Variants in ICA1 observed in about 807,000 individuals in gnomAD.
ICA1 encodes the protein islet cell autoantigen 1, also known as 69 kDa islet cell autoantigen.
A neutral mutation model predicts 71.0 loss-of-function variants in ICA1; 40 were observed. The observed-to-expected ratio is 0.56, with a 90% CI of 0.44 to 0.73. ICA1 has a LOEUF of 0.73. ICA1 is among the 30% of genes least tolerant of loss of function. ICA1 has a pLI of 0.00. For synonymous variants in ICA1, 207 were observed against 209.5 expected (o/e 0.99, Z 0.10); for missense variants, 578 against 576.5 (o/e 1.00, Z -0.03).
intron 6 of ICA1, among the ~76,000 whole-genome samples, chr7:8,199,307 G>T (rs1482201753): frequency 1.3e-5 from 2 of 152,170 alleles, no homozygotes; most frequent in East Asian, 3.8e-4. Flanking sequence ...CAGGCTCTTG[G>T]CTGTTCACTA....
Position 8,173,578 on chromosome 7 carries a change from G to C in ICA1, c.580-14926C>G, listed in dbSNP as rs545942882. Among the ~76,000 whole-genome samples, 3 of 152,146 alleles carry C rather than the reference G, an allele frequency of 2.0e-5. No homozygotes were observed. The highest frequency in any genetic ancestry group is 2.1e-4 in the South Asian group (1 of 4,820). On this transcript the variant is annotated intron_variant, in intron 6 of 13. Transcript: ENST00000402384. The surrounding 1 kb of genome is among the most constrained non-coding windows in gnomAD (Gnocchi z 4.0). ...TATCAAACTGTCTGTGCTTCAGGAC[G>C]ACCGGATAATTGACAAGGGAGTTAT...
At chr7:8,253,419 G>T (rs1808888108) in intron 1 of ICA1, among the ~76,000 whole-genome samples, 1 of 152,136 alleles carries the variant, frequency 6.6e-6, no homozygotes, top group African/African-American at 2.4e-5. Context: ...AAGACCATCA[G>T]AAGTAAAAAT....
At chr7:8,259,803 G>A (rs886804343) in intron 1 of ICA1, among the ~76,000 whole-genome samples, 2 of 152,182 alleles carry the variant, frequency 1.3e-5, no homozygotes, top group African/African-American at 4.8e-5. Flanking sequence ...ATTGTGATAC[G>A]AAATGTATCA....
At chr7:8,206,542 T>C (rs11975015) in intron 6 of ICA1, among the ~76,000 whole-genome samples, 277 of 152,304 alleles carry the variant, frequency 1.8e-3, no homozygotes, top group African/African-American at 6.5e-3. Context: ...TCAATATTTT[T>C]AATACAAATT....
intron 6 of ICA1, among the ~76,000 whole-genome samples, chr7:8,198,331 G>A (rs927638988): frequency 6.6e-6 from 1 of 152,214 alleles, no homozygotes; most frequent in African/African-American, 2.4e-5. Context: ...GCAAAGCATT[G>A]TTTGGAGAAA....
Position 8,146,888 on chromosome 7 carries a change from A to G in ICA1, c.805-2916T>C, listed in dbSNP as rs960708491. Among the ~76,000 whole-genome samples, 238 of 145,586 alleles carry G rather than the reference A, an allele frequency of 1.6e-3. 2 individuals carry two copies. Among genetic ancestry groups the G allele is most frequent in the African/African-American group, 4.7e-3 (177 of 37,430 alleles). On this transcript the variant is annotated intron_variant, in intron 8 of 13. Coordinates refer to ENST00000402384, the MANE Select transcript of ICA1 (RefSeq NM_001136020.3). ...CACACACACACACACACACGCACAC[A>G]CACACACACACACACACACTCGCCT...
chr7:8,139,157 C>G (rs1430418785), intron 10 of ICA1, 110 bp from the exon 11 acceptor site: 1 of 802,970 alleles, frequency 1.2e-6, no homozygotes, highest in African/African-American at 1.7e-5. Context: ...ATGGGATCCA[C>G]AAACTCAGCC....
chr7:8,252,059 G>A (rs922205470), intron 1 of ICA1, among the ~76,000 whole-genome samples: 9 of 152,120 alleles, frequency 5.9e-5, no homozygotes, highest in African/African-American at 2.2e-4. Context: ...AACAACACTA[G>A]AAACAGAACA....
chr7:8,212,624 T>C (rs1794171663), intron 6 of ICA1, among the ~76,000 whole-genome samples: 1 of 152,120 alleles, frequency 6.6e-6, no homozygotes, highest in Non-Finnish European at 1.5e-5. Flanking sequence ...GGCTCAGCAA[T>C]CACCTTCAGT....
chr7:8,137,462 T>C (rs1056697837), intron 12 of ICA1, among the ~76,000 whole-genome samples: 3 of 152,222 alleles, frequency 2.0e-5, no homozygotes, highest in African/African-American at 7.2e-5. Context: ...TATTATTGTC[T>C]TTACCTGACT....
rs1270461220 is a variant in ICA1, at chr7:8,223,129, C to T, written c.257-1731G>A. 6.6e-6 allele frequency among the ~76,000 whole-genome samples: 1 copy of T among 152,270 alleles called. No homozygotes were observed. The highest frequency in any genetic ancestry group is 2.4e-5 in the African/African-American group (1 of 41,554). On this transcript the variant is annotated intron_variant, in intron 4 of 13. Coordinates refer to ENST00000402384, the MANE Select transcript of ICA1 (RefSeq NM_001136020.3). This position sits in a 1 kb window ranked among gnomAD's most constrained non-coding sequence, Gnocchi z 4.1. The stretch of plus-strand genomic sequence containing the variant: ...AAGGTTTTTTGTTTTTTAATACATT[C>T]CATTCCTTCTCCTCCCCACTGATTA...
At chr7:8,159,171 T>C (rs1427297771) in intron 6 of ICA1, among the ~76,000 whole-genome samples, 1 of 152,210 alleles carries the variant, frequency 6.6e-6, no homozygotes, top group African/African-American at 2.4e-5. Flanking sequence ...TAATGTCCTT[T>C]TTCTGTTCCA....
intron 6 of ICA1, among the ~76,000 whole-genome samples, chr7:8,175,147 GCA>G (rs141374273): frequency 0.013 from 2,016 of 152,184 alleles, 34 homozygotes; most frequent in African/African-American, 0.044. Context: ...GCGGGGAGGG[GCA>G]CAGAGTGGGC....
intron 1 of ICA1, among the ~76,000 whole-genome samples, chr7:8,255,530 G>A (rs1279869638): frequency 3.3e-5 from 5 of 152,088 alleles, no homozygotes; most frequent in Non-Finnish European, 4.4e-5. Context: ...CCACTTCCAT[G>A]GCTTCAACTG....
At chr7:8,205,024 G>C (rs1791006231) in intron 6 of ICA1, among the ~76,000 whole-genome samples, 1 of 144,826 alleles carries the variant, frequency 6.9e-6, no homozygotes. Context: ...ACCATTGTCT[G>C]GTTTCACATC....
chr7:8,187,084 A>G (rs1784144189), intron 6 of ICA1, among the ~76,000 whole-genome samples: 1 of 152,230 alleles, frequency 6.6e-6, no homozygotes, highest in African/African-American at 2.4e-5. Flanking sequence ...CTTATGTGTC[A>G]CTTAACGATG....
At chr7:8,162,040 T>C (rs1306634093) in intron 6 of ICA1, among the ~76,000 whole-genome samples, 1 of 152,240 alleles carries the variant, frequency 6.6e-6, no homozygotes, top group South Asian at 2.1e-4. Flanking sequence ...CCTACTTATA[T>C]GGAACCTCTA....
intron 1 of ICA1, among the ~76,000 whole-genome samples, chr7:8,255,052 T>C (rs1304696570): frequency 6.6e-6 from 1 of 152,196 alleles, no homozygotes; most frequent in African/African-American, 2.4e-5. Context: ...CACAACCTGC[T>C]GTTCGCTTCC....
At chr7:8,196,068 CA>C (rs778236362) in intron 6 of ICA1, among the ~76,000 whole-genome samples, 2 of 152,148 alleles carry the variant, frequency 1.3e-5, no homozygotes, top group Non-Finnish European at 2.9e-5. Context: ...TGAATGTTTA[CA>C]GCATCTTTAT....
Sources: gnomAD v4.1 joint callset for allele counts (sites outside exome capture counted in the v4.1 genomes callset) on GRCh38, gnomAD v4.1.1 for gene constraint, Gnocchi (gnomAD v3.1) non-coding constraint, MANE v1.5 for transcripts, NCBI Gene and HGNC (gene_info 2026-07-23, HGNC 2026-07-21) for gene names.